The following PTCRA variants were observed in gnomAD, a reference collection of about 807,000 sequenced individuals.
PTCRA encodes the protein pre T-cell antigen receptor alpha.
In PTCRA, 9 loss-of-function variants were observed where a neutral mutation model predicts 13.4. That is an observed-to-expected ratio of 0.67 (90% CI 0.41 to 1.18). The LOEUF (loss-of-function observed/expected upper bound fraction) is 1.18, where lower values mean the gene tolerates loss of function less well. Among genes scored for constraint, PTCRA ranks in the 50% most tolerant of loss-of-function variants. PTCRA has a pLI of 0.01. For missense variants in PTCRA, 353 were observed against 359.8 expected (o/e 0.98, Z 0.15); for synonymous variants, 153 against 161.9 (o/e 0.94, Z 0.42).
At chr6:42,921,456 T>C (rs2114125843) in intron 1 of PTCRA, among the ~76,000 whole-genome samples, 1 of 136,274 alleles carries the variant, frequency 7.3e-6, no homozygotes, top group South Asian at 2.4e-4. Context: ...TCTTGCTCTG[T>C]CGCCAGGCTG....
intron 1 of PTCRA, among the ~76,000 whole-genome samples, chr6:42,920,811 CTTTT>C (rs544790680): frequency 1.6e-5 from 2 of 122,820 alleles, no homozygotes; most frequent in African/African-American, 3.0e-5. Flanking sequence ...CTAAACAAAG[CTTTT>C]TTTTTTTTTT....
Position 42,920,701 on chromosome 6 carries a change from A to T in PTCRA, c.59-2326A>T, listed in dbSNP as rs1378384631. Among the ~76,000 whole-genome samples, 3 of 152,268 alleles carry T rather than the reference A, an allele frequency of 2.0e-5. No individual in the cohort carries two copies. The East Asian group carries it at 5.8e-4, about 29-fold the overall frequency. Reference sequence around the variant, plus strand: ...TGGCCTCCCAAAGTGCTGGGATTACAGGCTTGAGCCACAGCGCCCAGCCAT... The same window carrying T: ...TGGCCTCCCAAAGTGCTGGGATTACTGGCTTGAGCCACAGCGCCCAGCCAT... On this transcript the variant is annotated intron_variant, in intron 1 of 3. Coordinates refer to ENST00000304672, the MANE Select transcript of PTCRA (RefSeq NM_138296.3).
At position 42,923,269 on chromosome 6, in the gene PTCRA, T is replaced by C. The variant is rs1358814352; in HGVS notation, c.301T>C (p.Ser101Pro). ...CTCCCTGCCTTCTGAGGAGCTGGCA[T>C]CCTGGGAGCCTTTGGTCTGCCACAC... ...HLSLPSEELASWEPLVCHTGP... is the reference protein window; with the variant it reads ...HLSLPSEELAPWEPLVCHTGP... Residue 101 changes from serine to proline, a missense_variant, in exon 2 of 4, where the codon TCC (serine) becomes CCC (proline). Coordinates refer to ENST00000304672, the MANE Select transcript of PTCRA (RefSeq NM_138296.3). 1.2e-6 allele frequency: 2 copies of C among 1,614,056 alleles called. No individual in the cohort carries two copies. The highest frequency in any genetic ancestry group is 3.3e-5 in the Admixed American group (2 of 60,004).
rs376557082 is a variant in PTCRA at position 42,916,076 on chromosome 6, G to A, written c.7G>A (p.Gly3Ser). 66 of 1,613,776 alleles carry A rather than the reference G, an allele frequency of 4.1e-5. No homozygotes were observed. Among genetic ancestry groups the A allele is most frequent in the South Asian group, 1.1e-4 (10 of 91,070 alleles). MA[G>S]TWLLLLLALG... ...GCCTCCTTCCGAGTGGGCCATGGCC[G>A]GTACATGGCTGCTACTTCTCCTGGC... Residue 3 changes from glycine (G) to serine (S), a missense_variant, in exon 1 of 4, where the codon GGT (glycine) becomes AGT (serine). Physicochemically the swap from Gly to Ser is moderately conservative, Grantham distance 56 (BLOSUM62 0). Transcript: ENST00000304672.
In PTCRA at chr6:42,921,674, C is replaced by T. The variant is rs185831066; in HGVS notation, c.59-1353C>T. ...CTCGTGATCTGCCCACCTTGGCCTCCCGAAGTGCTGGGATTACAGGCATGA... is the reference window on the plus strand; with the variant it reads ...CTCGTGATCTGCCCACCTTGGCCTCTCGAAGTGCTGGGATTACAGGCATGA... On this transcript the variant is annotated intron_variant, in intron 1 of 3. Coordinates refer to ENST00000304672, the MANE Select transcript of PTCRA (RefSeq NM_138296.3). Among the ~76,000 whole-genome samples, 371 of 148,442 alleles carry T rather than the reference C, an allele frequency of 2.5e-3. 1 individual carries two copies. The highest frequency in any genetic ancestry group is 8.4e-3 in the African/African-American group (338 of 40,122).
intron 1 of PTCRA, among the ~76,000 whole-genome samples, chr6:42,919,437 G>A (rs546979150): frequency 6.6e-6 from 1 of 152,204 alleles, no homozygotes; most frequent in East Asian, 1.9e-4. Context: ...CTGCAGGCTG[G>A]ACAAAGTGGC....
intron 1 of PTCRA, chr6:42,922,359 TC>T (rs1767214549): frequency 1.5e-6 from 1 of 655,908 alleles, no homozygotes; most frequent in African/African-American, 1.8e-5. Context: ...TATCTCTAGT[TC>T]CTGGAACAGA....
intron 3 of PTCRA, among the ~76,000 whole-genome samples, chr6:42,924,736 G>T (rs1402090704): frequency 6.6e-6 from 1 of 152,158 alleles, no homozygotes; most frequent in Non-Finnish European, 1.5e-5. Flanking sequence ...ACTTTGGGAG[G>T]CCGAGGTGGG....
chr6:42,920,459 C>G (rs1767098781), intron 1 of PTCRA, among the ~76,000 whole-genome samples: 1 of 151,608 alleles, frequency 6.6e-6, no homozygotes, highest in Admixed American at 6.6e-5. Flanking sequence ...GAGTCTTGCT[C>G]TGTCGCCCAG....
At chr6:42,922,230 T>C (rs1581685168) in intron 1 of PTCRA, 1 of 702,830 alleles carries the variant, frequency 1.4e-6, no homozygotes, top group Non-Finnish European at 2.6e-6. Flanking sequence ...CCTGTTTCCT[T>C]CCCTTCCTCA....
At chr6:42,916,963 A>C (rs1321016611) in intron 1 of PTCRA, among the ~76,000 whole-genome samples, 8 of 152,156 alleles carry the variant, frequency 5.3e-5, no homozygotes, top group African/African-American at 1.9e-4. Context: ...TCATGGAAGA[A>C]GTGGAAGCTG....
chr6:42,920,154 A>G (rs1239373780), intron 1 of PTCRA, among the ~76,000 whole-genome samples: 1 of 151,694 alleles, frequency 6.6e-6, no homozygotes, highest in East Asian at 2.0e-4. Context: ...CCCCTTCTCT[A>G]CTAAAAATAT....
At chr6:42,921,645 T>C (rs1767170901) in intron 1 of PTCRA, among the ~76,000 whole-genome samples, 1 of 146,694 alleles carries the variant, frequency 6.8e-6, no homozygotes, top group Admixed American at 6.8e-5. Context: ...CTCGATCTCC[T>C]GACCTCGTGA....
At chr6:42,918,635 C>G (rs192769492) in intron 1 of PTCRA, among the ~76,000 whole-genome samples, 1 of 152,176 alleles carries the variant, frequency 6.6e-6, no homozygotes, top group East Asian at 1.9e-4. Flanking sequence ...ACGCTTAGCT[C>G]TGTCTGAAGC....
At chr6:42,924,032 T>C (rs949510981) in intron 2 of PTCRA, among the ~76,000 whole-genome samples, 197 bp from the exon 3 acceptor site, 12 of 152,220 alleles carry the variant, frequency 7.9e-5, no homozygotes, top group African/African-American at 2.9e-4. Context: ...CAGGGGACAC[T>C]GCAAAGTGAG....
intron 1 of PTCRA, among the ~76,000 whole-genome samples, chr6:42,919,368 C>T (rs1191275914): frequency 6.6e-6 from 1 of 152,074 alleles, no homozygotes; most frequent in African/African-American, 2.4e-5. Flanking sequence ...GATTCTCTGG[C>T]CTCCTTCCCT....
chr6:42,925,614 C>T lies in PTCRA; in HGVS notation c.778C>T (p.Pro260Ser). 6.3e-7 allele frequency: 1 copy of T among 1,584,298 alleles called. No individual in the cohort carries two copies. Among genetic ancestry groups the T allele is most frequent in the Non-Finnish European group, 8.6e-7 (1 of 1,166,002 alleles). ...AWCSRSALRA[P>S]SSSLGAFFAG... Reference sequence around the variant, plus strand: ...GTGCTCAAGATCTGCCCTCAGGGCTCCTTCCTCCAGTCTTGGAGCATTTTT... The same window carrying T: ...GTGCTCAAGATCTGCCCTCAGGGCTTCTTCCTCCAGTCTTGGAGCATTTTT... Residue 260 changes from proline to serine, a missense_variant, in exon 4 of 4, where the codon CCT becomes TCT. Pro to Ser is a moderately conservative substitution (Grantham distance 74, BLOSUM62 -1). Coordinates refer to ENST00000304672, the MANE Select transcript of PTCRA (RefSeq NM_138296.3). The surrounding 1 kb of genome is among the most constrained non-coding windows in gnomAD (Gnocchi z 4.4).
chr6:42,921,243 G>A (rs1333008295), intron 1 of PTCRA, among the ~76,000 whole-genome samples: 6 of 149,910 alleles, frequency 4.0e-5, no homozygotes, highest in Non-Finnish European at 7.4e-5. Context: ...CTGGGACTAC[G>A]GGTATGCACC....
At chr6:42,922,564 C>A (rs190641417) in intron 1 of PTCRA, among the ~76,000 whole-genome samples, 1 of 151,684 alleles carries the variant, frequency 6.6e-6, no homozygotes, top group Admixed American at 6.6e-5. Context: ...CTGGCTAACA[C>A]GTCTCTACTA....
Sources: gnomAD v4.1 joint callset for allele counts (sites outside exome capture counted in the v4.1 genomes callset) on GRCh38, gnomAD v4.1.1 for gene constraint, Gnocchi (gnomAD v3.1) non-coding constraint, MANE v1.5 for transcripts, NCBI Gene and HGNC (gene_info 2026-07-23, HGNC 2026-07-21) for gene names.